Variants in RAB36 observed in about 807,000 individuals in gnomAD.
The protein encoded by RAB36 is ras-related protein Rab-36.
In RAB36, 33 loss-of-function variants were observed where a neutral mutation model predicts 39.3. The ratio of observed to expected loss-of-function variants is 0.84; its 90% CI spans 0.64 to 1.12. The LOEUF (loss-of-function observed/expected upper bound fraction) is 1.12, where lower values mean the gene tolerates loss of function less well. Among genes scored for constraint, RAB36 ranks in the 50% most tolerant of loss-of-function variants. The probability of loss-of-function intolerance (pLI) is 0.00; values close to 1 mark genes in which losing one functional copy is unlikely to be tolerated. For missense variants in RAB36, 308 were observed against 355.3 expected, an observed-to-expected ratio of 0.87 and a Z score of 1.07; for synonymous variants, 133 against 140.2, an observed-to-expected ratio of 0.95 and a Z score of 0.36.
intron 6 of RAB36, 108 bp downstream of exon 6, chr22:23,156,140 T>TATGAGAAAA: frequency 1.0e-6 from 1 of 955,892 alleles, no homozygotes; most frequent in Non-Finnish European, 1.6e-6. Flanking sequence ...TTTTTTGTCC[T>TATGAGAAAA]CCAAGACCCA....
upstream of RAB36, chr22:23,145,454 C>T (rs1337377844): frequency 6.2e-7 from 1 of 1,610,300 alleles, no homozygotes; most frequent in African/African-American, 1.3e-5. Flanking sequence ...ATTCGTGTAG[C>T]CCGCAGGTCC....
In RAB36 at chr22:23,162,615, C is replaced by T; in HGVS notation, c.*1051C>T. The T allele has an allele frequency of 2.2e-6, 1 of 454,168 alleles. No homozygotes were observed. The highest frequency in any genetic ancestry group is 4.4e-6 in the Non-Finnish European group (1 of 226,682). The allele number at this position is 454,168 out of a possible 1,614,324, so 28.1% of individuals were successfully genotyped here. A position where few individuals can be genotyped will look rare whatever the true frequency, so the allele number is the denominator to read the frequency against. On this transcript the variant is annotated 3_prime_UTR_variant, in exon 11 of 11. Transcript: ENST00000263116. ...CCCCACACATTCCCCAGCCTCTCTG[C>T]CCAGTATGCTCATCCACAGGGTTTT...
chr22:23,157,660 T>G (rs551905983), intron 6 of RAB36, among the ~76,000 whole-genome samples: 2 of 152,310 alleles, frequency 1.3e-5, no homozygotes, highest in African/African-American at 4.8e-5. Context: ...AAACTGAGGC[T>G]CTCAGCAGTT....
At chr22:23,166,704 C>A (rs1023856053), downstream of RAB36, among the ~76,000 whole-genome samples, 2 of 152,156 alleles carry the variant, frequency 1.3e-5, no homozygotes, top group African/African-American at 4.8e-5. Flanking sequence ...TCTCACAGTG[C>A]AGCCTCACAC....
rs1479692924 is a variant in RAB36, at chr22:23,164,035, C to G, written c.*2471C>G. The stretch of plus-strand genomic sequence containing the variant: ...TCTTGTAGTTATAGCTTTGCGTACT[C>G]AGGAAGGCCCTTCTCCCGACTGCGG... On this transcript the variant is annotated 3_prime_UTR_variant, in exon 11 of 11. Transcript: ENST00000263116. 2.0e-5 allele frequency: 3 copies of G among 152,268 alleles called. No individual in the cohort carries two copies. The highest frequency in any genetic ancestry group is 2.9e-5 in the Non-Finnish European group (2 of 68,064). 9.4% of individuals were successfully genotyped at this position (152,268 alleles called of 1,614,324 possible).
In RAB36 at chr22:23,162,593, C is replaced by G. The variant is rs981021578; in HGVS notation, c.*1029C>G. ...ACATGCAGAGCAGACAGAAATACCCCACACATTCCCCAGCCTCTCTGCCCA... is the reference window on the plus strand; with the variant it reads ...ACATGCAGAGCAGACAGAAATACCCGACACATTCCCCAGCCTCTCTGCCCA... On this transcript the variant is annotated 3_prime_UTR_variant, in exon 11 of 11. Transcript: ENST00000263116. 4.4e-6 allele frequency: 2 copies of G among 454,518 alleles called. No homozygotes were observed. Among genetic ancestry groups the G allele is most frequent in the South Asian group, 1.6e-5 (1 of 64,484 alleles). The allele number at this position is 454,518 out of a possible 1,614,324, so 28.2% of individuals were successfully genotyped here. A position where few individuals can be genotyped will look rare whatever the true frequency, so the allele number is the denominator to read the frequency against.
At chr22:23,156,185 GA>G (rs2071443156) in intron 6 of RAB36, 153 bp downstream of exon 6, 2 of 595,722 alleles carry the variant, frequency 3.4e-6, no homozygotes, top group African/African-American at 1.9e-5. Flanking sequence ...TGGGAACAGG[GA>G]AGCTGCCTTC....
At chr22:23,159,133 C>G (rs186812822) in intron 8 of RAB36, 30 bp from the exon 9 acceptor site, 2 of 1,606,680 alleles carry the variant, frequency 1.2e-6, no homozygotes, top group Admixed American at 1.7e-5. Flanking sequence ...AGAGCCGGGA[C>G]GCTGGGTCAA....
rs1039488165 is a variant in RAB36 at position 23,161,741 on chromosome 22, G to A, written c.*177G>A. 1.8e-5 allele frequency: 11 copies of A among 598,804 alleles called. No individual in the cohort carries two copies. Among genetic ancestry groups the A allele is most frequent in the South Asian group, 6.0e-5 (3 of 50,122 alleles). The allele number at this position is 598,804 out of a possible 1,614,324, so 37.1% of individuals were successfully genotyped here. ...AGCTCCAGGGCACAGTCACTTGTCC[G>A]TTGCAGGTTGGGCACTAGAAAAGGC... On this transcript the variant is annotated 3_prime_UTR_variant, in exon 11 of 11. Coordinates refer to ENST00000263116, the MANE Select transcript of RAB36 (RefSeq NM_004914.5).
chr22:23,159,302 G>A lies in RAB36; in HGVS notation c.619+49G>A, dbSNP rs1228515141. 2.6e-6 allele frequency: 4 copies of A among 1,514,746 alleles called. No homozygotes were observed. In the African/African-American group the frequency reaches 5.5e-5, roughly 21 times the overall value. 93.8% of individuals were successfully genotyped at this position (1,514,746 alleles called of 1,614,324 possible). A position where few individuals can be genotyped will look rare whatever the true frequency, so the allele number is the denominator to read the frequency against. The stretch of plus-strand genomic sequence containing the variant: ...ATGGTGGGGCAGAGCCCTGCTCTTG[G>A]GCCAGTCCTGTGGGGCCTGCCATGC... On this transcript the variant is annotated intron_variant, in intron 9 of 10. Transcript: ENST00000263116.
rs373407789 is a variant in RAB36 at position 23,159,057 on chromosome 22, G to A, written c.528+78G>A. On this transcript the variant is annotated intron_variant, in intron 8 of 10. Coordinates refer to ENST00000263116, the MANE Select transcript of RAB36 (RefSeq NM_004914.5). ...TTACAGCCCTCATTGGAGGAGCCAT[G>A]GGGAGGGAGGGAGGCAGCACAGTGG... The A allele has an allele frequency of 9.2e-4, 1,460 of 1,586,678 alleles. 10 individuals carry two copies. In the African/African-American group the frequency reaches 0.018, roughly 20 times the overall value.
At chr22:23,145,645 C>T in intron 1 of RAB36, 94 bp downstream of exon 1, 1 of 1,346,134 alleles carries the variant, frequency 7.4e-7, no homozygotes, top group Admixed American at 2.3e-5. Flanking sequence ...ACAGCGTCCG[C>T]GCCCACTTCC....
intron 2 of RAB36, among the ~76,000 whole-genome samples, chr22:23,147,173 C>T (rs2070827629): frequency 6.6e-6 from 1 of 152,184 alleles, no homozygotes; most frequent in Admixed American, 6.5e-5. Context: ...CATTCCGCCT[C>T]TATGAGCTTG....
At chr22:23,146,064 A>G in intron 1 of RAB36, 4 of 965,722 alleles carry the variant, frequency 4.1e-6, no homozygotes, top group Non-Finnish European at 4.9e-6. Context: ...CTTGGTAGAC[A>G]CCTGTCAAGG....
downstream of RAB36, among the ~76,000 whole-genome samples, chr22:23,167,540 G>A (rs117739767): frequency 9.7e-4 from 148 of 152,262 alleles, 3 homozygotes; most frequent in East Asian, 0.027. Flanking sequence ...TCAGCCTGGG[G>A]GATGGGATGG....
At chr22:23,149,227 T>C (rs1054445945) in intron 2 of RAB36, among the ~76,000 whole-genome samples, 1 of 151,964 alleles carries the variant, frequency 6.6e-6, no homozygotes, top group African/African-American at 2.4e-5. Flanking sequence ...ACCCTTGCCA[T>C]ACACAGATCA....
At chr22:23,156,333 G>A (rs759424855) in intron 6 of RAB36, 2 of 312,746 alleles carry the variant, frequency 6.4e-6, no homozygotes, top group Non-Finnish European at 1.2e-5. Flanking sequence ...GAGGCTCAGA[G>A]AAGGGCAGCA....
In RAB36 at chr22:23,145,533, G is replaced by C; in HGVS notation, c.-31G>C. On this transcript the variant is annotated 5_prime_UTR_variant, in exon 1 of 11. Coordinates refer to ENST00000263116, the MANE Select transcript of RAB36 (RefSeq NM_004914.5). ...GCGGACCAGGCCGCGCGGAGCCCCA[G>C]CTTTCACAGCCATCGCTGGTGAGTC... The C allele has an allele frequency of 2.5e-6, 4 of 1,602,586 alleles. No individual in the cohort carries two copies. Among genetic ancestry groups the C allele is most frequent in the Non-Finnish European group, 3.4e-6 (4 of 1,179,322 alleles).
rs1277056036 is a variant in RAB36, at chr22:23,160,959, A to G, written c.700A>G (p.Ser234Gly). ...GGTGCTGCAGGACCTGGAGAGGCAG[A>G]GCAGTGCCCGGCTCCAGGTCGGCAA... is the stretch of plus-strand genomic sequence containing the variant. ...QSVLQDLERQ[S>G]SARLQVGNGD... The change falls in exon 10 of 11, where the codon AGC becomes GGC. Residue 234 changes from serine to glycine, a missense_variant. By Grantham distance (56) the Ser-to-Gly change is moderately conservative. Transcript: ENST00000263116. The G allele has an allele frequency of 1.2e-6, 2 of 1,613,246 alleles. No individual in the cohort carries two copies. Among genetic ancestry groups the G allele is most frequent in the Admixed American group, 1.7e-5 (1 of 59,982 alleles).
Sources: gnomAD v4.1 joint callset for allele counts (sites outside exome capture counted in the v4.1 genomes callset) on GRCh38, gnomAD v4.1.1 for gene constraint, MANE v1.5 for transcripts, NCBI Gene and HGNC (gene_info 2026-07-23, HGNC 2026-07-21) for gene names.